The following DCBLD1 variants were observed in gnomAD, a reference collection of about 807,000 sequenced individuals.
DCBLD1 encodes the protein discoidin, CUB and LCCL domain-containing protein 1.
A neutral mutation model predicts 71.5 loss-of-function variants in DCBLD1; 57 were observed. The ratio of observed to expected loss-of-function variants is 0.80; its 90% CI spans 0.64 to 0.99. The LOEUF (loss-of-function observed/expected upper bound fraction) is 0.99. Ranked by LOEUF, DCBLD1 falls within the 50% of genes least tolerant of loss-of-function variation. The pLI is 0.00. For synonymous variants in DCBLD1, 380 were observed against 363.8 expected, an observed-to-expected ratio of 1.04 and a Z score of -0.51; for missense variants, 891 against 923.5, an observed-to-expected ratio of 0.96 and a Z score of 0.46.
In DCBLD1 at chr6:117,538,719, C is replaced by T. The variant is rs1461292696; in HGVS notation, c.860C>T (p.Pro287Leu). The change falls in exon 8 of 15, where the codon CCT (proline) becomes CTT (leucine). Residue 287 changes from proline to leucine, a missense_variant. Physicochemically the swap from Pro to Leu is moderately conservative, Grantham distance 98. Coordinates refer to ENST00000338728, the MANE Select transcript of DCBLD1 (RefSeq NM_001366458.2). ...NESGDQVHWS[P>L]GQARLQDQGP... ...AGTGGAGACCAAGTTCACTGGTCTC[C>T]TGGCCAAGCCCGACTTCAGGACCAA... 6.2e-7 allele frequency: 1 copy of T among 1,614,148 alleles called. No homozygotes were observed. Among genetic ancestry groups the T allele is most frequent in the Admixed American group, 1.7e-5 (1 of 60,024 alleles).
At chr6:117,530,989 C>G (rs889931200) in intron 5 of DCBLD1, among the ~76,000 whole-genome samples, 1 of 152,084 alleles carries the variant, frequency 6.6e-6, no homozygotes, top group Middle Eastern at 3.4e-3. Context: ...AATCTTTCCT[C>G]TCTTTTGTTA....
At chr6:117,504,082 A>G (rs1255398032) in intron 2 of DCBLD1, 103 bp downstream of exon 2, 6 of 1,277,310 alleles carry the variant, frequency 4.7e-6, no homozygotes, top group Admixed American at 2.3e-5. Context: ...GAAGATTAGA[A>G]GAGAAACTTG....
intron 1 of DCBLD1, among the ~76,000 whole-genome samples, chr6:117,483,298 T>C (rs1427074127): frequency 6.6e-6 from 1 of 152,220 alleles, no homozygotes; most frequent in Non-Finnish European, 1.5e-5. Context: ...TCTTTCCAGC[T>C]GCCTTTTGAC....
intron 14 of DCBLD1, chr6:117,567,151 C>A: frequency 3.2e-6 from 2 of 620,206 alleles, no homozygotes; most frequent in South Asian, 3.1e-5. Context: ...TAGCTGATTT[C>A]CAGAAAATAA....
chr6:117,499,497 C>T (rs1396108679), intron 1 of DCBLD1, among the ~76,000 whole-genome samples: 3 of 152,054 alleles, frequency 2.0e-5, no homozygotes, highest in Admixed American at 6.6e-5. Flanking sequence ...GTAAAAGCCT[C>T]CTCACTTCCA....
At chr6:117,540,172 T>G (rs1583026375) in intron 9 of DCBLD1, 2 of 153,116 alleles carry the variant, frequency 1.3e-5, no homozygotes, top group African/African-American at 4.8e-5. Flanking sequence ...CTTTGTGATT[T>G]AATTCTTTTC....
chr6:117,506,869 T>A (rs1450055335), intron 2 of DCBLD1, among the ~76,000 whole-genome samples: 1 of 152,232 alleles, frequency 6.6e-6, no homozygotes, highest in Non-Finnish European at 1.5e-5. Context: ...AGGGAGAGAA[T>A]GCATGTTCTG....
At chr6:117,500,022 A>C (rs1777601034) in intron 1 of DCBLD1, among the ~76,000 whole-genome samples, 1 of 152,216 alleles carries the variant, frequency 6.6e-6, no homozygotes, top group Non-Finnish European at 1.5e-5. Context: ...CCGTCTCAAA[A>C]ATAAATAAAT....
intron 14 of DCBLD1, among the ~76,000 whole-genome samples, chr6:117,557,484 A>C (rs932213202): frequency 3.3e-5 from 5 of 152,328 alleles, no homozygotes; most frequent in Non-Finnish European, 5.9e-5. Flanking sequence ...CTCAAAAGTC[A>C]ATTCCAGACT....
intron 11 of DCBLD1, 34 bp from the exon 12 acceptor site, chr6:117,543,090 A>T (rs553429424): frequency 6.4e-7 from 1 of 1,566,882 alleles, no homozygotes; most frequent in East Asian, 2.2e-5. Flanking sequence ...TTGGTCATTT[A>T]TGTTGTAACG....
downstream of DCBLD1, among the ~76,000 whole-genome samples, chr6:117,550,819 A>T (rs531127578): frequency 1.5e-4 from 23 of 152,334 alleles, no homozygotes; most frequent in South Asian, 4.6e-3. Flanking sequence ...TCTTGCATTC[A>T]TGCACGTACC....
chr6:117,565,242 T>C (rs368764559), intron 14 of DCBLD1, among the ~76,000 whole-genome samples: 2 of 152,208 alleles, frequency 1.3e-5, no homozygotes, highest in African/African-American at 4.8e-5. Flanking sequence ...TTGTAGATGA[T>C]AGCTGTATTT....
intron 2 of DCBLD1, among the ~76,000 whole-genome samples, chr6:117,509,123 T>C (rs1003405726): frequency 1.3e-5 from 2 of 152,194 alleles, no homozygotes; most frequent in Non-Finnish European, 2.9e-5. Context: ...TTTCTGTGTC[T>C]CTATTCCCTC....
chr6:117,551,295 C>T (rs1178642421), downstream of DCBLD1, among the ~76,000 whole-genome samples: 1 of 152,042 alleles, frequency 6.6e-6, no homozygotes, highest in Non-Finnish European at 1.5e-5. Context: ...TTTATTTTCT[C>T]CTGGAAATCC....
intron 14 of DCBLD1, among the ~76,000 whole-genome samples, chr6:117,556,843 G>C (rs1007977721): frequency 2.0e-5 from 3 of 152,048 alleles, no homozygotes; most frequent in Non-Finnish European, 4.4e-5. Context: ...TCCCACCAAC[G>C]GTGTAAGTGC....
intron 4 of DCBLD1, among the ~76,000 whole-genome samples, chr6:117,523,816 A>G (rs1046425673): frequency 6.6e-6 from 1 of 152,192 alleles, no homozygotes; most frequent in East Asian, 1.9e-4. Context: ...TCTATTCTGG[A>G]ATCTGTTTGG....
rs1779328182 is a variant in DCBLD1, at chr6:117,548,006, C to G, written c.1715C>G (p.Thr572Ser). The G allele has an allele frequency of 6.4e-7, 1 of 1,550,484 alleles. No homozygotes were observed. Among genetic ancestry groups the G allele is most frequent in the South Asian group, 1.2e-5 (1 of 84,064 alleles). ...GATGCCGAGGAGGCAGGGGTGAGCA[C>G]CGATGCCGGCGGCCACTATGACTGC... Reference protein sequence around the residue: ...DTDAEEAGVSTDAGGHYDCPQ... With the variant: ...DTDAEEAGVSSDAGGHYDCPQ... The change falls in exon 15 of 15, where the codon ACC becomes AGC. Residue 572 changes from threonine (T) to serine (S), a missense_variant. Coordinates refer to ENST00000338728, the MANE Select transcript of DCBLD1 (RefSeq NM_001366458.2).
chr6:117,485,426 T>G (rs1006590466), intron 1 of DCBLD1, among the ~76,000 whole-genome samples: 1 of 152,234 alleles, frequency 6.6e-6, no homozygotes, highest in African/African-American at 2.4e-5. Flanking sequence ...GGTCTGCTGT[T>G]AAATCATCTG....
Position 117,525,344 on chromosome 6 carries a change from T to G in DCBLD1, c.513-18T>G. On this transcript the variant is annotated intron_variant, in intron 4 of 14. Transcript: ENST00000338728. Reference sequence around the variant, plus strand: ...TGTAATTTAATAAAATATAAATTATTTATTTTTCTTTTTCCAGCAAATTCT... The same window carrying G: ...TGTAATTTAATAAAATATAAATTATGTATTTTTCTTTTTCCAGCAAATTCT... 1 of 1,449,946 alleles carries G rather than the reference T, an allele frequency of 6.9e-7. No individual in the cohort carries two copies. Among genetic ancestry groups the G allele is most frequent in the South Asian group, 1.7e-5 (1 of 58,546 alleles). The allele number at this position is 1,449,946 out of a possible 1,614,324, so 89.8% of individuals were successfully genotyped here.
Sources: gnomAD v4.1 joint callset for allele counts (sites outside exome capture counted in the v4.1 genomes callset) on GRCh38, gnomAD v4.1.1 for gene constraint, MANE v1.5 for transcripts, NCBI Gene and HGNC (gene_info 2026-07-23, HGNC 2026-07-21) for gene names.